The following CSTPP1 variants were observed in gnomAD, a reference collection of about 807,000 sequenced individuals.
The protein encoded by CSTPP1 is UPF0705 protein C11orf49.
the CSTPP1 span, among the ~76,000 whole-genome samples, chr11:47,092,441 T>G: frequency 2.6e-5 from 4 of 152,312 alleles, no homozygotes; most frequent in East Asian, 7.7e-4. Context: ...TATTTGGAGA[T>G]TTGTTGAAAC....
At chr11:47,052,148 G>GC in the CSTPP1 span, 1 of 369,802 alleles carries the variant, frequency 2.7e-6, no homozygotes, top group Non-Finnish European at 4.8e-6. Flanking sequence ...TGTCCTCTGT[G>GC]TGTACCTGTG....
chr11:46,988,655 G>A, the CSTPP1 span, among the ~76,000 whole-genome samples: 1 of 152,074 alleles, frequency 6.6e-6, no homozygotes, highest in Non-Finnish European at 1.5e-5. Flanking sequence ...CTATTTGATA[G>A]CACAACAGGG....
the CSTPP1 span, among the ~76,000 whole-genome samples, chr11:47,054,887 T>C: frequency 4.6e-5 from 7 of 151,950 alleles, no homozygotes; most frequent in African/African-American, 1.7e-4. Flanking sequence ...GTAAGAATAT[T>C]TTTTAAAAGC....
chr11:47,073,887 T>A, the CSTPP1 span, among the ~76,000 whole-genome samples: 1 of 152,212 alleles, frequency 6.6e-6, no homozygotes, highest in Non-Finnish European at 1.5e-5. Flanking sequence ...TATGAAAAAT[T>A]CATTATTTTA....
the CSTPP1 span, chr11:47,161,367 G>A: frequency 6.3e-7 from 1 of 1,589,668 alleles, no homozygotes; most frequent in South Asian, 1.1e-5. Flanking sequence ...GGGGGCTGCA[G>A]CCCAGGGGTT....
chr11:46,989,101 G>A, the CSTPP1 span, among the ~76,000 whole-genome samples: 236 of 151,784 alleles, frequency 1.6e-3, no homozygotes, highest in African/African-American at 5.1e-3. Context: ...ATGGTGGCAC[G>A]CACCTGTAAT....
chr11:47,152,140 C>T, the CSTPP1 span, among the ~76,000 whole-genome samples: 106 of 151,866 alleles, frequency 7.0e-4, no homozygotes, highest in African/African-American at 2.5e-3. Flanking sequence ...ATCCCAGCTG[C>T]TAGGGAGGCT....
chr11:46,940,222 T>A, the CSTPP1 span, among the ~76,000 whole-genome samples: 1 of 152,226 alleles, frequency 6.6e-6, no homozygotes, highest in South Asian at 2.1e-4. Context: ...TTCATGAAAT[T>A]CATTTTTAGC....
the CSTPP1 span, chr11:47,162,031 CG>C: frequency 9.9e-7 from 1 of 1,006,658 alleles, no homozygotes; most frequent in Non-Finnish European, 1.2e-6. Context: ...CGAATAGCCA[CG>C]CAGGGCCTTG....
chr11:47,089,885 A>G, the CSTPP1 span, among the ~76,000 whole-genome samples: 1 of 152,262 alleles, frequency 6.6e-6, no homozygotes, highest in Non-Finnish European at 1.5e-5. Flanking sequence ...ATAGATCCAA[A>G]CAGTGAAGAG....
the CSTPP1 span, among the ~76,000 whole-genome samples, chr11:47,088,666 C>G: frequency 5.3e-5 from 8 of 152,170 alleles, no homozygotes; most frequent in African/African-American, 1.9e-4. Flanking sequence ...CCTGCCTCAG[C>G]CTCCCAAGTA....
At chr11:47,161,877 T>C in the CSTPP1 span, 1 of 1,311,626 alleles carries the variant, frequency 7.6e-7, no homozygotes, top group African/African-American at 1.5e-5. Flanking sequence ...GGCCCCAAGC[T>C]GACAGACTGT....
At chr11:46,985,346 A>C in the CSTPP1 span, among the ~76,000 whole-genome samples, 1 of 152,336 alleles carries the variant, frequency 6.6e-6, no homozygotes, top group Admixed American at 6.5e-5. Flanking sequence ...TAGTTTTTTG[A>C]AATACCAATA....
At chr11:47,039,058 C>CAA in the CSTPP1 span, among the ~76,000 whole-genome samples, 1 of 122,960 alleles carries the variant, frequency 8.1e-6, no homozygotes, top group Non-Finnish European at 1.9e-5. Flanking sequence ...ACTTTCCAGA[C>CAA]TGGGCAGCCA....
chr11:47,086,099 A>T, the CSTPP1 span, among the ~76,000 whole-genome samples: 1 of 151,506 alleles, frequency 6.6e-6, no homozygotes, highest in Non-Finnish European at 1.5e-5. Context: ...AACAAGAATA[A>T]GTTAAGAGGC....
chr11:47,088,222 A>G, the CSTPP1 span, among the ~76,000 whole-genome samples: 1 of 152,242 alleles, frequency 6.6e-6, no homozygotes, highest in Non-Finnish European at 1.5e-5. Flanking sequence ...TTTTGTGGGC[A>G]TATCTTAAAA....
At chr11:47,058,778 A>G in the CSTPP1 span, among the ~76,000 whole-genome samples, 1 of 152,340 alleles carries the variant, frequency 6.6e-6, no homozygotes, top group South Asian at 2.1e-4. Context: ...GAAAAAGCCA[A>G]TGCCAGGAGA....
the CSTPP1 span, among the ~76,000 whole-genome samples, chr11:47,032,872 C>T: frequency 1.2e-4 from 19 of 152,192 alleles, no homozygotes; most frequent in Admixed American, 6.5e-4. Flanking sequence ...TTTGGACTCA[C>T]CAAGAACTTA....
the CSTPP1 span, chr11:47,041,044 TA>T: frequency 5.6e-6 from 1 of 177,850 alleles, no homozygotes; most frequent in Non-Finnish European, 1.2e-5. Context: ...ACAGGGCTTG[TA>T]GGGTTCCATA....
Sources: gnomAD v4.1 joint callset for allele counts (sites outside exome capture counted in the v4.1 genomes callset) on GRCh38, gnomAD v4.1.1 for gene constraint, MANE v1.5 for transcripts, NCBI Gene and HGNC (gene_info 2026-07-23, HGNC 2026-07-21) for gene names.